VIT: variants seen among roughly 807,000 people sequenced by gnomAD.
VIT encodes vitrin.
A neutral mutation model predicts 78.0 loss-of-function variants in VIT; 99 were observed. The ratio of observed to expected loss-of-function variants is 1.27; its 90% CI spans 1.08 to 1.50. VIT has a LOEUF of 1.50. Ranked by LOEUF, VIT falls within the 40% of genes most tolerant of loss-of-function variation. VIT has a pLI of 0.00. For missense variants in VIT, 1,126 were observed against 875.3 expected, an observed-to-expected ratio of 1.29 and a Z score of -3.61; for synonymous variants, 374 against 334.3, an observed-to-expected ratio of 1.12 and a Z score of -1.29.
At chr2:36,699,822 AG>A (rs1319104990) in intron 1 of VIT, among the ~76,000 whole-genome samples, 1 of 151,936 alleles carries the variant, frequency 6.6e-6, no homozygotes, top group Admixed American at 6.6e-5. Context: ...TGCGAGGTCA[AG>A]GCAAAAATGG....
chr2:36,783,503 C>T (rs933665736), intron 11 of VIT, 101 bp downstream of exon 11: 13 of 1,168,404 alleles, frequency 1.1e-5, no homozygotes, highest in East Asian at 2.5e-5. Flanking sequence ...TCTCTCCTAC[C>T]GTGGATCTAT....
intron 1 of VIT, among the ~76,000 whole-genome samples, chr2:36,702,425 C>T (rs1224547215): frequency 1.3e-5 from 2 of 151,666 alleles, no homozygotes; most frequent in Admixed American, 6.6e-5. Context: ...TTAAAAAAGA[C>T]CCTGTTCATA....
chr2:36,711,809 AAGAG>A (rs1417659007), intron 1 of VIT, among the ~76,000 whole-genome samples: 1 of 152,252 alleles, frequency 6.6e-6, no homozygotes, highest in African/African-American at 2.4e-5. Context: ...TGTGGGCAGA[AAGAG>A]AGATCTAATG....
intron 1 of VIT, among the ~76,000 whole-genome samples, chr2:36,703,991 C>A (rs1665249653): frequency 6.8e-6 from 1 of 146,652 alleles, no homozygotes; most frequent in South Asian, 2.2e-4. Flanking sequence ...GTGGCACGAT[C>A]TCGGCTCACT....
Position 36,743,143 on chromosome 2 carries a change from C to T in VIT, c.162C>T (p.Ile54=), listed in dbSNP as rs754439154. 1.7e-5 allele frequency: 27 copies of T among 1,614,068 alleles called. No individual in the cohort carries two copies. Among genetic ancestry groups the T allele is most frequent in the Non-Finnish European group, 1.9e-5 (23 of 1,179,960 alleles). Residue 54 remains isoleucine (I), a synonymous_variant, in exon 4 of 16, where the codon ATC becomes ATT. Coordinates refer to ENST00000379242, the MANE Select transcript of VIT (RefSeq NM_053276.4). ...GCGATGTCAAAGCCGGAAAGATCATCGATCCTGAGTTCATTGTGAAATGTC... is the reference window on the plus strand; with the variant it reads ...GCGATGTCAAAGCCGGAAAGATCATTGATCCTGAGTTCATTGTGAAATGTC... ...INCDVKAGKI[I]DPEFIVKCPA...
At chr2:36,713,512 C>G (rs1665935970) in intron 1 of VIT, among the ~76,000 whole-genome samples, 1 of 152,164 alleles carries the variant, frequency 6.6e-6, no homozygotes, top group Non-Finnish European at 1.5e-5. Flanking sequence ...CGAGAAATGC[C>G]ATGAACCAAT....
At chr2:36,733,942 T>G (rs1226583097) in intron 3 of VIT, among the ~76,000 whole-genome samples, 3 of 152,244 alleles carry the variant, frequency 2.0e-5, no homozygotes, top group Admixed American at 6.5e-5. Flanking sequence ...TGAAGAGTTT[T>G]AAACAGAAAG....
intron 6 of VIT, among the ~76,000 whole-genome samples, chr2:36,760,259 C>T (rs2148565134): frequency 6.6e-6 from 1 of 152,244 alleles, no homozygotes; most frequent in South Asian, 2.1e-4. Context: ...TTCCAAAATG[C>T]TAGGATTACA....
intron 9 of VIT, among the ~76,000 whole-genome samples, chr2:36,780,906 G>C (rs1664704973): frequency 6.6e-6 from 1 of 152,106 alleles, no homozygotes; most frequent in Admixed American, 6.5e-5. Context: ...TGTGTTATAA[G>C]GCTTCCTGAC....
At chr2:36,723,716 A>G (rs550993647) in intron 2 of VIT, among the ~76,000 whole-genome samples, 1 of 152,264 alleles carries the variant, frequency 6.6e-6, no homozygotes, top group East Asian at 1.9e-4. Context: ...AGTATTTAAT[A>G]TGCTTCAACA....
At chr2:36,720,911 G>A (rs1666464044) in intron 2 of VIT, among the ~76,000 whole-genome samples, 1 of 152,128 alleles carries the variant, frequency 6.6e-6, no homozygotes, top group Admixed American at 6.5e-5. Context: ...TTGGGAGGCT[G>A]AGGCAAGAGA....
At chr2:36,750,989 G>T (rs983660686) in intron 4 of VIT, among the ~76,000 whole-genome samples, 1 of 152,182 alleles carries the variant, frequency 6.6e-6, no homozygotes, top group African/African-American at 2.4e-5. Flanking sequence ...GCTACGCGTG[G>T]TGGCTCATGC....
intron 3 of VIT, among the ~76,000 whole-genome samples, chr2:36,730,156 C>T (rs545131292): frequency 2.6e-5 from 4 of 151,912 alleles, no homozygotes; most frequent in Non-Finnish European, 4.4e-5. Flanking sequence ...GGCCTGATGG[C>T]GCATGCCTGT....
chr2:36,795,640 C>G (rs1468915384), intron 12 of VIT, among the ~76,000 whole-genome samples: 1 of 152,108 alleles, frequency 6.6e-6, no homozygotes, highest in Non-Finnish European at 1.5e-5. Context: ...GTCTCGAACT[C>G]CTGACCTCAG....
chr2:36,709,692 C>T (rs1665681823), intron 1 of VIT, among the ~76,000 whole-genome samples: 1 of 152,030 alleles, frequency 6.6e-6, no homozygotes, highest in Admixed American at 6.6e-5. Context: ...TAAAGCAGTC[C>T]AGATAGAACA....
chr2:36,769,086 C>T (rs76804802), intron 7 of VIT, among the ~76,000 whole-genome samples: 3,108 of 152,214 alleles, frequency 0.02, 66 homozygotes, highest in Middle Eastern at 0.095. Flanking sequence ...AAAAGAGAAA[C>T]AGGAAGGATG....
intron 1 of VIT, among the ~76,000 whole-genome samples, chr2:36,702,152 A>G (rs1259429959): frequency 6.6e-6 from 1 of 152,206 alleles, no homozygotes; most frequent in Non-Finnish European, 1.5e-5. Context: ...CCCTCAGGGA[A>G]GAGCATTCCA....
chr2:36,731,868 TCA>T (rs1417203771), intron 3 of VIT, among the ~76,000 whole-genome samples: 1 of 152,220 alleles, frequency 6.6e-6, no homozygotes, highest in Non-Finnish European at 1.5e-5. Context: ...TACCTTGAAA[TCA>T]GCCACATTAA....
At chr2:36,723,662 G>C (rs1666650866) in intron 2 of VIT, among the ~76,000 whole-genome samples, 1 of 152,264 alleles carries the variant, frequency 6.6e-6, no homozygotes, top group East Asian at 1.9e-4. Flanking sequence ...ATCAGAGAGG[G>C]AGAAAGTGAA....
Sources: gnomAD v4.1 joint callset for allele counts (sites outside exome capture counted in the v4.1 genomes callset) on GRCh38, gnomAD v4.1.1 for gene constraint, MANE v1.5 for transcripts, NCBI Gene and HGNC (gene_info 2026-07-23, HGNC 2026-07-21) for gene names.